TTN: variants seen among roughly 807,000 people sequenced by gnomAD.
The protein encoded by TTN is titin, also known as connectin.
A neutral mutation model predicts 3,223.0 loss-of-function variants in TTN; 1,525 were observed. The ratio of observed to expected loss-of-function variants is 0.47; its 90% CI spans 0.45 to 0.49. TTN has a LOEUF of 0.49. Ranked by LOEUF, TTN falls within the 20% of genes least tolerant of loss-of-function variation. The probability of loss-of-function intolerance (pLI) is 0.00; values close to 1 mark genes in which losing one functional copy is unlikely to be tolerated. For synonymous variants in TTN, 14,094 were observed against 15,161.0 expected (o/e 0.93, Z 5.17); for missense variants, 40,786 against 43,424.0 (o/e 0.94, Z 5.40).
chr2:178,560,435 G>C lies in TTN; in HGVS notation c.85697C>G (p.Ser28566Cys). The change falls in exon 326 of 363, where the codon TCT (serine) becomes TGT (cysteine). Residue 28566 changes from serine (S) to cysteine (C), a missense_variant. Ser to Cys is a moderately radical substitution (Grantham distance 112). Coordinates refer to ENST00000589042, the MANE Select transcript of TTN (RefSeq NM_001267550.2). ...GGGTCTTGACCAGCAAAGTGTCATA[G>C]ATTCTTTGGTCACAGAAGTAATTTC... ...SLEITSVTKE[S>C]MTLCWSRPES... 6.2e-7 allele frequency: 1 copy of C among 1,613,556 alleles called. No individual in the cohort carries two copies. Among genetic ancestry groups the C allele is most frequent in the Non-Finnish European group, 8.5e-7 (1 of 1,179,754 alleles).
chr2:178,772,909 G>T, intron 33 of TTN, 200 bp downstream of exon 33: 1 of 633,444 alleles, frequency 1.6e-6, no homozygotes, highest in Non-Finnish European at 2.7e-6. Context: ...TAATGGAGAA[G>T]GTGACGTTTG....
chr2:178,558,680 G>T, intron 326 of TTN, 43 bp from the exon 327 acceptor site: 1 of 1,576,312 alleles, frequency 6.3e-7, no homozygotes, highest in Non-Finnish European at 8.6e-7. Context: ...AATTATTACA[G>T]CACTTTTAAA....
chr2:178,633,559 TCAC>T lies in TTN; in HGVS notation c.42797_42799del (p.Gly14266del), dbSNP rs2060066699. ...ATATTTGGGTGAAGGGACAATCTCT[TCAC>T]CATCTTTGAACCATTTCACTGGTAC... On this transcript the variant is annotated inframe_deletion, in exon 232 of 363. Coordinates refer to ENST00000589042, the MANE Select transcript of TTN (RefSeq NM_001267550.2). 1.2e-6 allele frequency: 2 copies of T among 1,613,298 alleles called. No individual in the cohort carries two copies. The highest frequency in any genetic ancestry group is 2.2e-5 in the South Asian group (2 of 91,086).
chr2:178,647,348 C>T (rs1431534220), intron 214 of TTN, 33 bp downstream of exon 214: 6 of 1,544,784 alleles, frequency 3.9e-6, no homozygotes, highest in Non-Finnish European at 5.2e-6. Context: ...AGACAATTGT[C>T]ATCTTTCCAA....
intron 130 of TTN, 53 bp from the exon 131 acceptor site, chr2:178,684,802 C>T (rs2070411284): frequency 1.3e-6 from 2 of 1,573,582 alleles, no homozygotes; most frequent in African/African-American, 1.4e-5. Flanking sequence ...AAACACTAAA[C>T]ACAGGCACAC....
Position 178,567,331 on chromosome 2 carries a change from T to G in TTN, c.78801A>C (p.Arg26267Ser), listed in dbSNP as rs1373203200. 6.2e-7 allele frequency: 1 copy of G among 1,604,392 alleles called. No individual in the cohort carries two copies. Among genetic ancestry groups the G allele is most frequent in the Non-Finnish European group, 8.5e-7 (1 of 1,176,560 alleles). Residue 26267 changes from arginine (R) to serine (S), a missense_variant, in exon 326 of 363, where the codon AGA becomes AGC. Physicochemically the swap from Arg to Ser is moderately radical, Grantham distance 110. Transcript: ENST00000589042. ...IRIDGGQYIL[R>S]ASNVAGSKSF... ...ACTTAGAACCTGCAACATTGGAAGCTCTTAAAATATACTGCCCACCATCAA... is the reference window on the plus strand; with the variant it reads ...ACTTAGAACCTGCAACATTGGAAGCGCTTAAAATATACTGCCCACCATCAA...
chr2:178,727,649 C>A lies in TTN; in HGVS notation c.19929G>T (p.Gln6643His). Reference protein sequence around the residue: ...LYSVDASKTGQYTCHVTNDVG... With the variant: ...LYSVDASKTGHYTCHVTNDVG... ...CATCATTGGTAACATGGCAAGTATA[C>A]TGTCCAGTCTTAGAAGCATCCACTG... is the stretch of plus-strand genomic sequence containing the variant. The change falls in exon 68 of 363, where the codon CAG becomes CAT. Residue 6643 changes from glutamine (Q) to histidine (H), a missense_variant. Gln to His is a conservative substitution (Grantham distance 24). Transcript: ENST00000589042. The A allele has an allele frequency of 6.2e-7, 1 of 1,610,528 alleles. No individual in the cohort carries two copies. Among genetic ancestry groups the A allele is most frequent in the Non-Finnish European group, 8.5e-7 (1 of 1,178,472 alleles).
chr2:178,706,796 C>G (rs1577737971), intron 101 of TTN, 57 bp from the exon 102 acceptor site: 2 of 1,596,616 alleles, frequency 1.3e-6, no homozygotes, highest in Non-Finnish European at 1.7e-6. Flanking sequence ...TCAGTTCTTC[C>G]AAAATTAAAT....
chr2:178,558,093 T>C lies in TTN; in HGVS notation c.87261A>G (p.Ala29087=), dbSNP rs1702206175. ...TLSRDGVPLK[A]TMRFNTEITA... The stretch of plus-strand genomic sequence containing the variant: ...TAATTTCGGTATTAAATCTCATGGT[T>C]GCCTTAAGGGGGACACCATCTCTTG... The change falls in exon 328 of 363, where the codon GCA becomes GCG. Residue 29087 remains alanine (A), a synonymous_variant. Transcript: ENST00000589042. 1 of 1,613,796 alleles carries C rather than the reference T, an allele frequency of 6.2e-7. No individual in the cohort carries two copies. The highest frequency in any genetic ancestry group is 1.1e-5 in the South Asian group (1 of 91,092).
In TTN at chr2:178,662,037, ATAT is replaced by A; in HGVS notation, c.37121-12_37121-10del. 1.3e-6 allele frequency: 1 copy of A among 764,832 alleles called. No homozygotes were observed. Among genetic ancestry groups the A allele is most frequent in the South Asian group, 1.9e-5 (1 of 51,698 alleles). The allele number at this position is 764,832 out of a possible 1,614,324, so 47.4% of individuals were successfully genotyped here. ...TTGTGGGACTTCAGGCACTTGAAAG[ATAT>A]TAGTAGTTTTTCACTTAGGTTAATG... On this transcript the variant is annotated splice_polypyrimidine_tract_variant and intron_variant, in intron 178 of 362. Coordinates refer to ENST00000589042, the MANE Select transcript of TTN (RefSeq NM_001267550.2).
rs747752714 is a variant in TTN at position 178,590,012 on chromosome 2, C to T, written c.61713G>A (p.Gly20571=). 10 of 1,613,044 alleles carry T rather than the reference C, an allele frequency of 6.2e-6. No individual in the cohort carries two copies. Among genetic ancestry groups the T allele is most frequent in the Non-Finnish European group, 5.1e-6 (6 of 1,179,498 alleles). ...SAIVNVLDRP[G]PCQNLKVTNV... Reference sequence around the variant, plus strand: ...TGGTAACCTTCAAATTCTGGCAAGGCCCAGGTCTGTCAAGGACGTTAACGA... The same window carrying T: ...TGGTAACCTTCAAATTCTGGCAAGGTCCAGGTCTGTCAAGGACGTTAACGA... Residue 20571 remains glycine (G), a synonymous_variant, in exon 304 of 363, where the codon GGG becomes GGA. Transcript: ENST00000589042.
chr2:178,583,925 C>T lies in TTN; in HGVS notation c.65276-19G>A, dbSNP rs2048337350. On this transcript the variant is annotated intron_variant, in intron 311 of 362. Transcript: ENST00000589042. ...GGAGGATCTAAAACAAAAAGAGGTA[C>T]ACTCACCATTTATCTTACCAGCAGA... is the stretch of plus-strand genomic sequence containing the variant. 4 of 1,519,438 alleles carry T rather than the reference C, an allele frequency of 2.6e-6. No individual in the cohort carries two copies. Among genetic ancestry groups the T allele is most frequent in the Non-Finnish European group, 3.5e-6 (4 of 1,130,522 alleles). The allele number at this position is 1,519,438 out of a possible 1,614,324, so 94.1% of individuals were successfully genotyped here.
intron 330 of TTN, 98 bp from the exon 331 acceptor site, chr2:178,555,250 A>ATGGCCATCAT: frequency 9.3e-7 from 1 of 1,076,396 alleles, no homozygotes; most frequent in Non-Finnish European, 1.4e-6. Context: ...CCATTATTAA[A>ATGGCCATCAT]TTATACACAC....
chr2:178,541,287 G>T lies in TTN; in HGVS notation c.97790C>A (p.Pro32597Gln). Residue 32597 changes from proline (P) to glutamine (Q), a missense_variant, in exon 350 of 363, where the codon CCA becomes CAA. Pro to Gln is a moderately conservative substitution (Grantham distance 76). Coordinates refer to ENST00000589042, the MANE Select transcript of TTN (RefSeq NM_001267550.2). The part of the protein sequence containing the change: ...RPSKPIVAMD[P>Q]IAPPGKPQNP... ...CTGATACAAAATGTCCTTACCAATT[G>T]GATCCATGGCAACGATGGGTTTGGA... 6.7e-7 allele frequency: 1 copy of T among 1,499,820 alleles called. No homozygotes were observed. Among genetic ancestry groups the T allele is most frequent in the Non-Finnish European group, 9.0e-7 (1 of 1,115,652 alleles). The allele number at this position is 1,499,820 out of a possible 1,614,324, so 92.9% of individuals were successfully genotyped here.
At chr2:178,691,839 T>C (rs1489648786) in intron 121 of TTN, among the ~76,000 whole-genome samples, 177 bp downstream of exon 121, 2 of 152,184 alleles carry the variant, frequency 1.3e-5, no homozygotes, top group Non-Finnish European at 2.9e-5. Flanking sequence ...TTAGGAATAT[T>C]CAGTATAATA....
rs563270838 is a variant in TTN, at chr2:178,640,999, T to C, written c.40633+242A>G. ...ACTTGATTATTTCAGTCATTTCTAC[T>C]GGAAGAACTTAAGTTGCAAAGTAAT... On this transcript the variant is annotated intron_variant, in intron 220 of 362. Coordinates refer to ENST00000589042, the MANE Select transcript of TTN (RefSeq NM_001267550.2). 1.3e-5 allele frequency among the ~76,000 whole-genome samples: 2 copies of C among 152,058 alleles called. 1 individual carries two copies. Among genetic ancestry groups the C allele is most frequent in the South Asian group, 4.1e-4 (2 of 4,824 alleles).
At chr2:178,666,284 T>G (rs951696983) in intron 163 of TTN, among the ~76,000 whole-genome samples, 2 of 152,094 alleles carry the variant, frequency 1.3e-5, no homozygotes, top group Non-Finnish European at 2.9e-5. Flanking sequence ...ATGATGAAAT[T>G]ATTGTTCTGG....
Position 178,585,069 on chromosome 2 carries a change from T to C in TTN, c.64672+3A>G. On this transcript the variant is annotated splice_donor_region_variant and intron_variant, in intron 309 of 362. Transcript: ENST00000589042. ...ATGGCCATTTGTCTAATACTTAACT[T>C]ACCCATGACTACAACTTTGATTTTC... 1.2e-6 allele frequency: 2 copies of C among 1,604,448 alleles called. No homozygotes were observed. The highest frequency in any genetic ancestry group is 1.7e-6 in the Non-Finnish European group (2 of 1,175,658).
chr2:178,758,624 T>C (rs2088033713), intron 44 of TTN: 2 of 310,488 alleles, frequency 6.4e-6, no homozygotes, highest in Middle Eastern at 1.1e-3. Flanking sequence ...CTTAGATGTT[T>C]TTAAAATTTA....
Sources: allele counts gnomAD v4.1 joint callset (sites outside exome capture counted in the v4.1 genomes callset), GRCh38; gene constraint gnomAD v4.1.1; transcripts MANE v1.5; gene names NCBI Gene and HGNC (gene_info 2026-07-23, HGNC 2026-07-21).